The following MECOM variants were observed in gnomAD, a reference collection of about 807,000 sequenced individuals.
MECOM encodes the protein histone-lysine N-methyltransferase MECOM.
MECOM carries 13 observed loss-of-function variants against 116.3 expected under a neutral mutation model. That is an observed-to-expected ratio of 0.11 (90% CI 0.07 to 0.18). The LOEUF (loss-of-function observed/expected upper bound fraction) is 0.18. Among genes scored for constraint, MECOM ranks in the 10% least tolerant of loss-of-function variants. MECOM has a pLI of 1.00. For synonymous variants in MECOM, 528 were observed against 535.2 expected, an observed-to-expected ratio of 0.99 and a Z score of 0.19; for missense variants, 1,299 against 1,509.0, an observed-to-expected ratio of 0.86 and a Z score of 2.31.
In MECOM at chr3:169,099,435, T is replaced by C. The variant is rs543066698; in HGVS notation, c.2849+1450A>G. Among the ~76,000 whole-genome samples the C allele has an allele frequency of 3.9e-5, 6 of 152,282 alleles. No homozygotes were observed. In the East Asian group the frequency reaches 1.2e-3, roughly 29 times the overall value. On this transcript the variant is annotated intron_variant, in intron 12 of 16. Transcript: ENST00000651503. The stretch of plus-strand genomic sequence containing the variant: ...TATTACATCTCTCTGAGACCTGTTA[T>C]ATCAAGTGCATTCTATCATGTATAA...
chr3:169,417,739 A>C (rs1212234769), intron 1 of MECOM, among the ~76,000 whole-genome samples: 2 of 152,056 alleles, frequency 1.3e-5, no homozygotes, highest in Non-Finnish European at 2.9e-5. Context: ...CTGGATTAAG[A>C]AAATGTGGCA....
intron 2 of MECOM, among the ~76,000 whole-genome samples, chr3:169,231,483 T>A (rs1204451106): frequency 6.6e-6 from 1 of 152,040 alleles, no homozygotes; most frequent in Non-Finnish European, 1.5e-5. Context: ...AGGACATTTT[T>A]AAAAAATAGG....
chr3:169,321,341 A>G (rs1720818079), intron 2 of MECOM, among the ~76,000 whole-genome samples: 1 of 152,102 alleles, frequency 6.6e-6, no homozygotes, highest in African/African-American at 2.4e-5. Context: ...GGAGATTGAG[A>G]CCATCCTGGC....
In MECOM at chr3:169,179,784, C is replaced by T. The variant is rs942121557; in HGVS notation, c.376-35952G>A. 5.3e-5 allele frequency among the ~76,000 whole-genome samples: 8 copies of T among 152,252 alleles called. No homozygotes were observed. The South Asian group carries it at 1.7e-3, about 32-fold the overall frequency. ...TCCTCAAAAAGTTTTTCAAATTCAGCTCGTTAAAAGGACATATTATATTTC... is the reference window on the plus strand; with the variant it reads ...TCCTCAAAAAGTTTTTCAAATTCAGTTCGTTAAAAGGACATATTATATTTC... On this transcript the variant is annotated intron_variant, in intron 2 of 16. Transcript: ENST00000651503.
chr3:169,242,597 C>T (rs1755019417), intron 2 of MECOM, among the ~76,000 whole-genome samples: 1 of 152,090 alleles, frequency 6.6e-6, no homozygotes, highest in African/African-American at 2.4e-5. Flanking sequence ...CGTGAGAGAG[C>T]AGGACGCGGG....
At chr3:169,614,648 G>C (rs968320944) in intron 1 of MECOM, among the ~76,000 whole-genome samples, 2 of 151,912 alleles carry the variant, frequency 1.3e-5, no homozygotes, top group African/African-American at 4.8e-5. Context: ...AATTAAACAG[G>C]CCTAAGTGAT....
At chr3:169,367,734 C>T (rs1037887529) in intron 2 of MECOM, among the ~76,000 whole-genome samples, 3 of 152,006 alleles carry the variant, frequency 2.0e-5, no homozygotes, top group South Asian at 4.1e-4. Context: ...AATAAATGCT[C>T]AACAGTGTAA....
chr3:169,377,412 C>T (rs181368999), intron 2 of MECOM, among the ~76,000 whole-genome samples: 7 of 152,202 alleles, frequency 4.6e-5, no homozygotes. Context: ...AATATTTTTG[C>T]AATCTATCCA....
intron 1 of MECOM, among the ~76,000 whole-genome samples, chr3:169,419,548 T>C (rs1026045553): frequency 6.6e-6 from 1 of 152,074 alleles, no homozygotes; most frequent in African/African-American, 2.4e-5. Flanking sequence ...AAAACAGATA[T>C]ACAGACCAAT....
At chr3:169,460,313 T>A (rs559934533) in intron 1 of MECOM, among the ~76,000 whole-genome samples, 1 of 152,182 alleles carries the variant, frequency 6.6e-6, no homozygotes, top group African/African-American at 2.4e-5. Context: ...AGAATATTTT[T>A]TTTTCTTATG....
intron 1 of MECOM, among the ~76,000 whole-genome samples, chr3:169,497,342 C>CTTT: frequency 1.3e-5 from 2 of 150,192 alleles, no homozygotes; most frequent in East Asian, 2.2e-4. Flanking sequence ...TTCTCTTTTT[C>CTTT]TTTTTCTTTT....
intron 2 of MECOM, among the ~76,000 whole-genome samples, chr3:169,206,513 A>T (rs1264836229): frequency 6.6e-6 from 1 of 152,136 alleles, no homozygotes; most frequent in Non-Finnish European, 1.5e-5. Flanking sequence ...GCACTTTGGG[A>T]GGATGACGCG....
At chr3:169,114,249 T>C (rs956012839) in intron 8 of MECOM, among the ~76,000 whole-genome samples, 3 of 152,172 alleles carry the variant, frequency 2.0e-5, no homozygotes, top group Admixed American at 2.0e-4. Flanking sequence ...TGAGATATAA[T>C]AATTTTAAAA....
At chr3:169,598,160 A>G (rs996007040) in intron 1 of MECOM, among the ~76,000 whole-genome samples, 4 of 152,168 alleles carry the variant, frequency 2.6e-5, no homozygotes, top group African/African-American at 9.7e-5. Context: ...CAAAAAATTC[A>G]TTTTTCTCCT....
chr3:169,110,182 C>T (rs1436662114), intron 9 of MECOM, among the ~76,000 whole-genome samples: 1 of 152,168 alleles, frequency 6.6e-6, no homozygotes, highest in African/African-American at 2.4e-5. Context: ...GTTTTGGCTC[C>T]TTGATCTGTG....
chr3:169,123,286 C>A (rs919428578), intron 5 of MECOM, among the ~76,000 whole-genome samples: 4 of 147,842 alleles, frequency 2.7e-5, no homozygotes, highest in African/African-American at 9.9e-5. Flanking sequence ...TGGACTGATG[C>A]ATGGATATAT....
intron 1 of MECOM, among the ~76,000 whole-genome samples, chr3:169,437,798 G>A (rs1371329013): frequency 6.6e-6 from 1 of 152,140 alleles, no homozygotes; most frequent in Non-Finnish European, 1.5e-5. Flanking sequence ...TTCCTTAAAA[G>A]CAATTAGAAA....
chr3:169,554,849 T>A (rs985814217), intron 1 of MECOM, among the ~76,000 whole-genome samples: 1 of 152,006 alleles, frequency 6.6e-6, no homozygotes, highest in African/African-American at 2.4e-5. Flanking sequence ...TAATAGGGGG[T>A]TGGGGGCACC....
At chr3:169,279,901 T>G (rs1462859877) in intron 2 of MECOM, among the ~76,000 whole-genome samples, 1 of 152,228 alleles carries the variant, frequency 6.6e-6, no homozygotes, top group Non-Finnish European at 1.5e-5. Context: ...GCTATTTTGC[T>G]TGCAAACACA....
Sources: gnomAD v4.1 joint callset for allele counts (sites outside exome capture counted in the v4.1 genomes callset) on GRCh38, gnomAD v4.1.1 for gene constraint, MANE v1.5 for transcripts, NCBI Gene and HGNC (gene_info 2026-07-23, HGNC 2026-07-21) for gene names.